The following VCPKMT variants were observed in gnomAD, a reference collection of about 807,000 sequenced individuals.
The protein encoded by VCPKMT is valosin containing protein lysine methyltransferase.
In VCPKMT, 32 loss-of-function variants were observed where a neutral mutation model predicts 28.6. That is an observed-to-expected ratio of 1.12 (90% CI 0.84 to 1.50). The LOEUF is 1.50. VCPKMT is among the 40% of genes most tolerant of loss of function. The probability of loss-of-function intolerance (pLI) is 0.00; values close to 1 mark genes in which losing one functional copy is unlikely to be tolerated. For missense variants in VCPKMT, 366 were observed against 285.0 expected, an observed-to-expected ratio of 1.28 and a Z score of -2.05; for synonymous variants, 138 against 111.4, an observed-to-expected ratio of 1.24 and a Z score of -1.50.
chr14:50,114,593 T>C (rs1025926688), intron 3 of VCPKMT, among the ~76,000 whole-genome samples, 189 bp from the exon 4 acceptor site: 12 of 152,120 alleles, frequency 7.9e-5, no homozygotes, highest in African/African-American at 2.9e-4. Context: ...ATCAACACTT[T>C]GGAAGGCAGA....
At chr14:50,104,195 T>C (rs1435393354), downstream of VCPKMT, among the ~76,000 whole-genome samples, 1 of 152,326 alleles carries the variant, frequency 6.6e-6, no homozygotes, top group Non-Finnish European at 1.5e-5. Flanking sequence ...TGCTGTACCA[T>C]ATTTTAGGTT....
chr14:50,116,197 C>T lies in VCPKMT; in HGVS notation c.267-18G>A. On this transcript the variant is annotated intron_variant, in intron 1 of 5. Transcript: ENST00000395860. ...CATCAGCCCTATAAAATAACGTCGACTGAGGTGTAGGCACAGGGGGGAAAG... is the reference window on the plus strand; with the variant it reads ...CATCAGCCCTATAAAATAACGTCGATTGAGGTGTAGGCACAGGGGGGAAAG... 1 of 1,613,946 alleles carries T rather than the reference C, an allele frequency of 6.2e-7. No individual in the cohort carries two copies. Among genetic ancestry groups the T allele is most frequent in the Non-Finnish European group, 8.5e-7 (1 of 1,179,964 alleles).
downstream of VCPKMT, among the ~76,000 whole-genome samples, chr14:50,108,362 CAGCT>C (rs979709313): frequency 4.6e-5 from 7 of 152,168 alleles, no homozygotes; most frequent in Non-Finnish European, 1.0e-4. Context: ...TCATTAATAA[CAGCT>C]AGCACTATCT....
intron 3 of VCPKMT, among the ~76,000 whole-genome samples, chr14:50,115,345 T>C (rs987286061): frequency 2.0e-5 from 3 of 152,036 alleles, no homozygotes; most frequent in Non-Finnish European, 4.4e-5. Flanking sequence ...AGAGACAGGG[T>C]TTTGCCATGT....
downstream of VCPKMT, among the ~76,000 whole-genome samples, chr14:50,107,890 G>A (rs1882387546): frequency 6.6e-6 from 1 of 152,116 alleles, no homozygotes; most frequent in Admixed American, 6.5e-5. Flanking sequence ...CCCACAGATA[G>A]TGTGTGTTAA....
At chr14:50,106,468 C>T (rs1882323065), downstream of VCPKMT, 1 of 844,260 alleles carries the variant, frequency 1.2e-6, no homozygotes, top group Non-Finnish European at 1.4e-6. Flanking sequence ...CCTTTTAAAC[C>T]ACGTCGTCCC....
Position 50,114,410 on chromosome 14 carries a change from T to TA in VCPKMT, c.451-7dup, listed in dbSNP as rs775682674. ...TTCAGCAATGGCTCCAAAGACTATTTAAAAAAGAATATATTTTTTGTTTTT... is the reference window on the plus strand; with the variant it reads ...TTCAGCAATGGCTCCAAAGACTATTTAAAAAAAGAATATATTTTTTGTTTTT... On this transcript the variant is annotated splice_region_variant and splice_polypyrimidine_tract_variant and intron_variant, in intron 3 of 5. Coordinates refer to ENST00000395860, the MANE Select transcript of VCPKMT (RefSeq NM_024558.3). 85 of 1,478,914 alleles carry TA rather than the reference T, an allele frequency of 5.7e-5. 1 individual carries two copies. The South Asian group carries it at 7.2e-4, about 12-fold the overall frequency. The allele number at this position is 1,478,914 out of a possible 1,614,324, so 91.6% of individuals were successfully genotyped here.
In VCPKMT at chr14:50,109,541, G is replaced by T; in HGVS notation, c.*158C>A. The T allele has an allele frequency of 7.5e-7, 1 of 1,329,642 alleles. No individual in the cohort carries two copies. Among genetic ancestry groups the T allele is most frequent in the Non-Finnish European group, 9.6e-7 (1 of 1,041,950 alleles). 82.4% of individuals were successfully genotyped at this position (1,329,642 alleles called of 1,614,324 possible). ...GCAAGCAGGAATTTTTCGTATTGCA[G>T]ACAGCCCCTGGTGGTCATCATCTAT... is the stretch of plus-strand genomic sequence containing the variant. On this transcript the variant is annotated 3_prime_UTR_variant, in exon 6 of 6. Coordinates refer to ENST00000395860, the MANE Select transcript of VCPKMT (RefSeq NM_024558.3).
chr14:50,114,232 C>G, intron 4 of VCPKMT, 53 bp downstream of exon 4: 1 of 1,420,158 alleles, frequency 7.0e-7, no homozygotes, highest in Non-Finnish European at 9.2e-7. Flanking sequence ...GAGTCACATA[C>G]AGCCCCCCTG....
In VCPKMT at chr14:50,116,329, C is replaced by A; in HGVS notation, c.224G>T (p.Gly75Val). ...ALSRRSVLEL[G>V]SGTGAVGLMA... ...GAGCCCCACGGCCCCGGTGCCCGAA[C>A]CCAGCTCCAGCACCGACCGCCGGCT... The change falls in exon 1 of 6, where the codon GGT becomes GTT. Residue 75 changes from glycine to valine, a missense_variant. Transcript: ENST00000395860. 1.9e-6 allele frequency: 3 copies of A among 1,610,616 alleles called. No homozygotes were observed. The highest frequency in any genetic ancestry group is 2.5e-6 in the Non-Finnish European group (3 of 1,178,494).
intron 3 of VCPKMT, among the ~76,000 whole-genome samples, chr14:50,115,446 C>T (rs908631267): frequency 1.3e-5 from 2 of 152,066 alleles, no homozygotes; most frequent in Non-Finnish European, 2.9e-5. Flanking sequence ...CCACCGCGCC[C>T]GGCCCAAACT....
chr14:50,114,328 C>G lies in VCPKMT; in HGVS notation c.527G>C (p.Arg176Pro), dbSNP rs754603563. The change falls in exon 4 of 6, where the codon CGA becomes CCA. Residue 176 changes from arginine to proline, a missense_variant. Coordinates refer to ENST00000395860, the MANE Select transcript of VCPKMT (RefSeq NM_024558.3). ...AATTTCTGGATTTTTCCCCATTGTT[C>G]GTTGTTCATAACAACATATAATACA... Reference protein sequence around the residue: ...ETCIICCYEQRTMGKNPEIEK... With the variant: ...ETCIICCYEQPTMGKNPEIEK... The G allele has an allele frequency of 6.3e-7, 1 of 1,588,832 alleles. No individual in the cohort carries two copies. The highest frequency in any genetic ancestry group is 8.5e-7 in the Non-Finnish European group (1 of 1,170,700).
intron 5 of VCPKMT, chr14:50,112,154 TAAAAG>T (rs1298059948): frequency 1.6e-5 from 12 of 737,136 alleles, no homozygotes; most frequent in Non-Finnish European, 2.0e-5. Flanking sequence ...CTCACAGAGA[TAAAAG>T]AAACTTATAA....
At chr14:50,103,919 C>T (rs570890042), downstream of VCPKMT, among the ~76,000 whole-genome samples, 7 of 152,308 alleles carry the variant, frequency 4.6e-5, no homozygotes, top group African/African-American at 1.7e-4. Flanking sequence ...ACTACGGTCA[C>T]ATTTATTGAA....
At chr14:50,104,812 G>A (rs1594929090), downstream of VCPKMT, among the ~76,000 whole-genome samples, 1 of 151,982 alleles carries the variant, frequency 6.6e-6, no homozygotes, top group South Asian at 2.1e-4. Context: ...TTTTCAGAAC[G>A]TCACTTGAAT....
At chr14:50,106,694 T>G, downstream of VCPKMT, 5 of 959,422 alleles carry the variant, frequency 5.2e-6, no homozygotes, top group Non-Finnish European at 6.2e-6. Flanking sequence ...CTTGAATCTC[T>G]AGTTACTTCC....
At chr14:50,104,505 T>C (rs769038576), downstream of VCPKMT, among the ~76,000 whole-genome samples, 1 of 152,216 alleles carries the variant, frequency 6.6e-6, no homozygotes, top group Non-Finnish European at 1.5e-5. Context: ...AAGGTCTTTA[T>C]GGTATGAAAA....
At chr14:50,115,155 TTTTTTTTTTTTTTTG>T (rs1399102281) in intron 3 of VCPKMT, among the ~76,000 whole-genome samples, 3 of 122,042 alleles carry the variant, frequency 2.5e-5, no homozygotes, top group Admixed American at 2.3e-4. Flanking sequence ...GTTTTTTTTT[TTTTTTTTTTTTTTTG>T]AGACAGAGTT....
chr14:50,115,911 C>A lies in VCPKMT; in HGVS notation c.378G>T (p.Trp126Cys). 6.2e-7 allele frequency: 1 copy of A among 1,613,178 alleles called. No individual in the cohort carries two copies. The highest frequency in any genetic ancestry group is 8.5e-7 in the Non-Finnish European group (1 of 1,179,274). The change falls in exon 3 of 6, where the codon TGG (tryptophan) becomes TGT (cysteine). Residue 126 changes from tryptophan (W) to cysteine (C), a missense_variant and splice_region_variant. Transcript: ENST00000395860. ...TGSVQAKVLKWGEEIEGFPSP... is the reference protein window; with the variant it reads ...TGSVQAKVLKCGEEIEGFPSP... ...AAGGAAAGCCTTCTATTTCTTCCCCCCTTAAAAATGCCAAACAAATATTTC... is the reference window on the plus strand; with the variant it reads ...AAGGAAAGCCTTCTATTTCTTCCCCACTTAAAAATGCCAAACAAATATTTC...
Sources: gnomAD v4.1 joint callset for allele counts (sites outside exome capture counted in the v4.1 genomes callset) on GRCh38, gnomAD v4.1.1 for gene constraint, MANE v1.5 for transcripts, NCBI Gene and HGNC (gene_info 2026-07-23, HGNC 2026-07-21) for gene names.